Variants in SHANK2 observed in about 807,000 individuals in gnomAD.
SHANK2 encodes the protein SH3 and multiple ankyrin repeat domains 2, also known as SH3 and multiple ankyrin repeat domains protein 2.
In SHANK2, 43 loss-of-function variants were observed where a neutral mutation model predicts 133.7. That is an observed-to-expected ratio of 0.32 (90% CI 0.25 to 0.41). SHANK2 has a LOEUF of 0.41. Ranked by LOEUF, SHANK2 falls within the 10% of genes least tolerant of loss-of-function variation. The pLI is 1.00. For synonymous variants in SHANK2, 1,017 were observed against 952.8 expected, an observed-to-expected ratio of 1.07 and a Z score of -1.24; for missense variants, 1,994 against 2,235.8, an observed-to-expected ratio of 0.89 and a Z score of 2.18.
chr11:70,953,658 G>GC (rs1950876349), intron 10 of SHANK2, among the ~76,000 whole-genome samples: 1 of 152,158 alleles, frequency 6.6e-6, no homozygotes, highest in Non-Finnish European at 1.5e-5. Context: ...TTCTTGCCGT[G>GC]CTAGCAGCCA....
intron 2 of SHANK2, chr11:71,174,791 T>A (rs1953393266): frequency 6.6e-6 from 1 of 152,282 alleles, no homozygotes; most frequent in Non-Finnish European, 1.5e-5. Context: ...AAGTCAAGGC[T>A]GCAGTGAGCT....
intron 11 of SHANK2, chr11:70,863,874 G>A (rs1240872033): frequency 2.2e-6 from 1 of 457,610 alleles, no homozygotes; most frequent in South Asian, 1.5e-5. Context: ...GCCAGGAGGA[G>A]AGGCCTCAGG....
chr11:70,755,094 T>G (rs1277373088), intron 14 of SHANK2, among the ~76,000 whole-genome samples: 2 of 151,504 alleles, frequency 1.3e-5, no homozygotes, highest in Non-Finnish European at 2.9e-5. Context: ...TTTTCTGAGA[T>G]GAAGTCTTGC....
chr11:70,832,436 C>T (rs1005661335), intron 11 of SHANK2, among the ~76,000 whole-genome samples: 1 of 152,208 alleles, frequency 6.6e-6, no homozygotes, highest in East Asian at 1.9e-4. Flanking sequence ...GCTCCCGTGG[C>T]AGCAGTCAGC....
At chr11:71,211,443 C>T (rs563679482) in intron 2 of SHANK2, among the ~76,000 whole-genome samples, 106 of 151,828 alleles carry the variant, frequency 7.0e-4, no homozygotes, top group Non-Finnish European at 1.2e-3. Context: ...GGGGCTGAGG[C>T]GAGAGAATCA....
chr11:71,116,862 CCT>C (rs1267052804), intron 4 of SHANK2, among the ~76,000 whole-genome samples: 1 of 152,132 alleles, frequency 6.6e-6, no homozygotes, highest in Non-Finnish European at 1.5e-5. Context: ...TCTCACACCC[CCT>C]CTTGCCACCT....
chr11:70,611,844 G>A (rs1374752464), intron 17 of SHANK2, among the ~76,000 whole-genome samples: 1 of 151,792 alleles, frequency 6.6e-6, no homozygotes, highest in African/African-American at 2.4e-5. Flanking sequence ...CGTTTCTACT[G>A]AAAATGGAGA....
chr11:70,874,674 T>TAAAA lies in SHANK2; in HGVS notation c.1174+21823_1174+21826dup, dbSNP rs34587004. On this transcript the variant is annotated intron_variant, in intron 11 of 25. Coordinates refer to ENST00000601538, the MANE Select transcript of SHANK2 (RefSeq NM_012309.5). ...TTGAAATCTGCATATCTGCATTTAC[T>TAAAA]AAAAAAAAAAAAAAAAAAAAAAAAT... 4.4e-3 allele frequency among the ~76,000 whole-genome samples: 501 copies of TAAAA among 114,100 alleles called. 5 individuals carry two copies. The highest frequency in any genetic ancestry group is 0.015 in the African/African-American group (447 of 29,444). The allele number at this position is 114,100 out of a possible 152,430, so 74.9% of individuals were successfully genotyped here.
rs2058701865 is a variant in SHANK2 at position 70,479,229 on chromosome 11, G to A, written c.4980-5790C>T. Among the ~76,000 whole-genome samples the A allele has an allele frequency of 6.6e-6, 1 of 152,220 alleles. No homozygotes were observed. The highest frequency in any genetic ancestry group is 1.5e-5 in the Non-Finnish European group (1 of 68,036). Reference sequence around the variant, plus strand: ...TCAAACCACCTAGTGGTCCTGAGATGCTGAAAACACCGTGAGGCAGCTTCT... The same window carrying A: ...TCAAACCACCTAGTGGTCCTGAGATACTGAAAACACCGTGAGGCAGCTTCT... On this transcript the variant is annotated intron_variant, in intron 25 of 25. Transcript: ENST00000601538. This position sits in a 1 kb window ranked among gnomAD's most constrained non-coding sequence, Gnocchi z 4.4.
At chr11:70,891,586 C>T (rs1949846742) in intron 11 of SHANK2, among the ~76,000 whole-genome samples, 1 of 152,158 alleles carries the variant, frequency 6.6e-6, no homozygotes, top group African/African-American at 2.4e-5. Context: ...GATGTGTTGG[C>T]AGGGCTGGTT....
intron 17 of SHANK2, among the ~76,000 whole-genome samples, chr11:70,636,287 A>G (rs893267091): frequency 1.3e-5 from 2 of 152,036 alleles, no homozygotes; most frequent in Non-Finnish European, 2.9e-5. Flanking sequence ...GTGTACATGT[A>G]TGAGTATGTG....
At chr11:71,125,138 C>T (rs1458547415) in intron 3 of SHANK2, among the ~76,000 whole-genome samples, 1 of 152,046 alleles carries the variant, frequency 6.6e-6, no homozygotes, top group Non-Finnish European at 1.5e-5. Context: ...CCCTATGCCC[C>T]GAGACACAAT....
chr11:70,904,510 G>GTTTT (rs11336653), intron 10 of SHANK2, among the ~76,000 whole-genome samples: 2 of 136,286 alleles, frequency 1.5e-5, no homozygotes, highest in African/African-American at 5.6e-5. Context: ...GATCTGATGG[G>GTTTT]TTTTTTTTTT....
intron 17 of SHANK2, among the ~76,000 whole-genome samples, chr11:70,540,915 G>T (rs2059614606): frequency 6.7e-6 from 1 of 149,950 alleles, no homozygotes; most frequent in Non-Finnish European, 1.5e-5. Flanking sequence ...CAGTGTCACT[G>T]AACACACAAT....
At chr11:70,897,361 C>T (rs1949951202) in intron 10 of SHANK2, among the ~76,000 whole-genome samples, 1 of 152,212 alleles carries the variant, frequency 6.6e-6, no homozygotes, top group African/African-American at 2.4e-5. Flanking sequence ...AATACACATA[C>T]ATCTACAATG....
intron 2 of SHANK2, among the ~76,000 whole-genome samples, chr11:71,224,344 A>AC (rs1555121844): frequency 6.6e-6 from 1 of 151,484 alleles, no homozygotes; most frequent in East Asian, 2.0e-4. Context: ...CACGAGGCGC[A>AC]CCCCCGTTCA....
At chr11:70,783,224 C>T (rs1555045601) in intron 14 of SHANK2, among the ~76,000 whole-genome samples, 1 of 152,128 alleles carries the variant, frequency 6.6e-6, no homozygotes, top group East Asian at 1.9e-4. Context: ...GTTACAGAAG[C>T]CTGGACTGAC....
intron 8 of SHANK2, among the ~76,000 whole-genome samples, chr11:71,079,908 A>AG (rs1951274833): frequency 2.8e-5 from 1 of 35,264 alleles, no homozygotes. Flanking sequence ...AGGGGAGGGG[A>AG]GGGGAAGGAA....
Position 70,486,472 on chromosome 11 carries a change from C to T in SHANK2, c.3821G>A (p.Arg1274Lys), listed in dbSNP as rs536968382. The T allele has an allele frequency of 8.0e-5, 129 of 1,614,136 alleles. No homozygotes were observed. The East Asian group carries it at 2.9e-3, about 36-fold the overall frequency. The change falls in exon 25 of 26, where the codon AGG (arginine) becomes AAG (lysine). Residue 1274 changes from arginine to lysine, a missense_variant. Transcript: ENST00000601538. The surrounding 1 kb of genome is among the most constrained non-coding windows in gnomAD (Gnocchi z 8.0). ...GTACTTGTTCTCCGTCTCCTGCCGC[C>T]TCAGGGGTCCCCGGGTGTTCTGCCT... is the stretch of plus-strand genomic sequence containing the variant. ...VTRQNTRGPL[R>K]RQETENKYET... is the part of the protein sequence containing the mutation.
Sources: allele counts gnomAD v4.1 joint callset (sites outside exome capture counted in the v4.1 genomes callset), GRCh38; gene constraint gnomAD v4.1.1; non-coding constraint Gnocchi (gnomAD v3.1); transcripts MANE v1.5; gene names NCBI Gene and HGNC (gene_info 2026-07-23, HGNC 2026-07-21).